The following KMO variants were observed in gnomAD, a reference collection of about 807,000 sequenced individuals.
The protein encoded by KMO is kynurenine 3-monooxygenase.
Under a neutral mutation model 57.8 loss-of-function variants are expected in KMO, and 24 were observed. The ratio of observed to expected loss-of-function variants is 0.42; its 90% CI spans 0.30 to 0.58. KMO has a LOEUF of 0.58. Ranked by LOEUF, KMO falls within the 20% of genes least tolerant of loss-of-function variation. KMO has a pLI of 0.22. For synonymous variants in KMO, 210 were observed against 193.6 expected, an observed-to-expected ratio of 1.08 and a Z score of -0.70; for missense variants, 483 against 588.2, an observed-to-expected ratio of 0.82 and a Z score of 1.85.
At chr1:241,574,759 A>G (rs151269074) in intron 10 of KMO, among the ~76,000 whole-genome samples, 1 of 151,970 alleles carries the variant, frequency 6.6e-6, no homozygotes, top group Non-Finnish European at 1.5e-5. Flanking sequence ...TTGTTTTGGT[A>G]TCAGGATGAT....
chr1:241,540,695 G>A (rs112571979), intron 1 of KMO, among the ~76,000 whole-genome samples: 91 of 152,160 alleles, frequency 6.0e-4, no homozygotes, highest in Middle Eastern at 6.8e-3. Flanking sequence ...TTGAAAATTT[G>A]GAATTTTTTC....
At chr1:241,535,730 G>T (rs1191430044) in intron 1 of KMO, among the ~76,000 whole-genome samples, 1 of 152,146 alleles carries the variant, frequency 6.6e-6, no homozygotes, top group Non-Finnish European at 1.5e-5. Flanking sequence ...CCCCTGTATT[G>T]ACTGATATTT....
intron 6 of KMO, among the ~76,000 whole-genome samples, chr1:241,561,794 G>A (rs1224043777): frequency 6.6e-6 from 1 of 151,844 alleles, no homozygotes; most frequent in Non-Finnish European, 1.5e-5. Context: ...TCTAATACCT[G>A]TGCTCAAGAC....
chr1:241,540,046 C>T (rs1391340057), intron 1 of KMO, among the ~76,000 whole-genome samples: 1 of 152,142 alleles, frequency 6.6e-6, no homozygotes, highest in Non-Finnish European at 1.5e-5. Flanking sequence ...TTAGAGTACA[C>T]TTTTCATTTT....
chr1:241,569,388 T>G (rs1022201554), intron 10 of KMO, among the ~76,000 whole-genome samples: 2 of 152,098 alleles, frequency 1.3e-5, no homozygotes, highest in South Asian at 4.1e-4. Flanking sequence ...TATAGCTCCC[T>G]CATATGAGTA....
At chr1:241,569,979 T>C (rs1462554870) in intron 10 of KMO, among the ~76,000 whole-genome samples, 1 of 151,894 alleles carries the variant, frequency 6.6e-6, no homozygotes, top group Non-Finnish European at 1.5e-5. Flanking sequence ...CAGATATTAT[T>C]TTTATTATTT....
chr1:241,548,151 C>T (rs566540538), intron 1 of KMO, among the ~76,000 whole-genome samples: 50 of 150,434 alleles, frequency 3.3e-4, no homozygotes, highest in African/African-American at 1.1e-3. Flanking sequence ...GGGTAAATGG[C>T]GGGGCACAGT....
At chr1:241,546,274 G>C (rs909188243) in intron 1 of KMO, among the ~76,000 whole-genome samples, 2 of 152,120 alleles carry the variant, frequency 1.3e-5, no homozygotes, top group African/African-American at 4.8e-5. Flanking sequence ...TGTACTTCTA[G>C]TTTCATGAGT....
rs1011144039 is a variant in KMO, at chr1:241,585,757, T to TA, written c.958-912dup. Among the ~76,000 whole-genome samples, 55 of 99,708 alleles carry TA rather than the reference T, an allele frequency of 5.5e-4. 1 individual carries two copies. The South Asian group carries it at 9.3e-3, about 17-fold the overall frequency. The allele number at this position is 99,708 out of a possible 152,430, so 65.4% of individuals were successfully genotyped here. A position where few individuals can be genotyped will look rare whatever the true frequency, so the allele number is the denominator to read the frequency against. ...CAACAGAGCAAGACTCCATCTAAAA[T>TA]AAAAAAAAAAGAACAAAAAAAAAAA... On this transcript the variant is annotated intron_variant, in intron 10 of 14. Transcript: ENST00000366559.
At position 241,536,865 on chromosome 1, in the gene KMO, C is replaced by T. The variant is rs574618826; in HGVS notation, c.54+4367C>T. Reference sequence around the variant, plus strand: ...ATTCAAGTCAAGTCAGTGGCCTCTGCTGATGAAATTGCTTTTGAGGCAACT... The same window carrying T: ...ATTCAAGTCAAGTCAGTGGCCTCTGTTGATGAAATTGCTTTTGAGGCAACT... On this transcript the variant is annotated intron_variant, in intron 1 of 14. Transcript: ENST00000366559. Among the ~76,000 whole-genome samples the T allele has an allele frequency of 6.6e-5, 10 of 152,242 alleles. No individual in the cohort carries two copies. In the South Asian group the frequency reaches 2.1e-3, roughly 32 times the overall value.
In KMO at chr1:241,588,872, T is replaced by C. The variant is rs752499978; in HGVS notation, c.1098+42T>C. On this transcript the variant is annotated intron_variant, in intron 12 of 14. Coordinates refer to ENST00000366559, the MANE Select transcript of KMO (RefSeq NM_003679.5). ...GGCTTTATTCCATGAGATGGTTCAC[T>C]GATATTCTAACAAGTGTTCTTTTCT... 66 of 1,368,376 alleles carry C rather than the reference T, an allele frequency of 4.8e-5. 1 individual carries two copies. The South Asian group carries it at 7.3e-4, about 15-fold the overall frequency. 84.8% of individuals were successfully genotyped at this position (1,368,376 alleles called of 1,614,324 possible).
chr1:241,587,101 G>A lies in KMO; in HGVS notation c.1015+365G>A, dbSNP rs187766884. Among the ~76,000 whole-genome samples the A allele has an allele frequency of 7.1e-4, 108 of 152,258 alleles. 1 individual carries two copies. The South Asian group carries it at 0.02, about 27-fold the overall frequency. On this transcript the variant is annotated intron_variant, in intron 11 of 14. Transcript: ENST00000366559. ...GTCCCAACGTTTTGGCACCAGGGACGGGTTTCACGGAAGACAGTGTTTCCA... is the reference window on the plus strand; with the variant it reads ...GTCCCAACGTTTTGGCACCAGGGACAGGTTTCACGGAAGACAGTGTTTCCA...
In KMO at chr1:241,594,494, C is replaced by G. The variant is rs778423135; in HGVS notation, c.*2341C>G. 14 of 1,614,088 alleles carry G rather than the reference C, an allele frequency of 8.7e-6. No homozygotes were observed. The highest frequency in any genetic ancestry group is 6.6e-5 in the South Asian group (6 of 91,078). On this transcript the variant is annotated 3_prime_UTR_variant, in exon 15 of 15. Coordinates refer to ENST00000366559, the MANE Select transcript of KMO (RefSeq NM_003679.5). ...TGGTTTTGTCGCTGTCGTCAACTGA[C>G]AGTGATTCATCACTGGTGATGATAA...
Position 241,593,407 on chromosome 1 carries a change from A to G in KMO, c.*1254A>G. ...AATCCTTCAAACATGATTAATTATG[A>G]AGATGAAACACTAGAGTCATATAAG... On this transcript the variant is annotated 3_prime_UTR_variant, in exon 15 of 15. Transcript: ENST00000366559. 2.3e-6 allele frequency: 1 copy of G among 428,566 alleles called. No individual in the cohort carries two copies. The highest frequency in any genetic ancestry group is 1.7e-5 in the South Asian group (1 of 59,416). The allele number at this position is 428,566 out of a possible 1,614,324, so 26.5% of individuals were successfully genotyped here.
chr1:241,549,793 T>TG lies in KMO; in HGVS notation c.222+19_222+20insG. ...AGATCAGGTACTTAATGTATCTTTC[T>TG]TACAGAAGATAATACCTGGTATTTT... On this transcript the variant is annotated intron_variant, in intron 3 of 14. Coordinates refer to ENST00000366559, the MANE Select transcript of KMO (RefSeq NM_003679.5). The TG allele has an allele frequency of 7.0e-7, 1 of 1,427,982 alleles. No individual in the cohort carries two copies. Among genetic ancestry groups the TG allele is most frequent in the Non-Finnish European group, 9.9e-7 (1 of 1,014,880 alleles). 88.5% of individuals were successfully genotyped at this position (1,427,982 alleles called of 1,614,324 possible).
chr1:241,542,342 C>G (rs1160122565), intron 1 of KMO, among the ~76,000 whole-genome samples: 1 of 152,130 alleles, frequency 6.6e-6, no homozygotes, highest in East Asian at 1.9e-4. Context: ...CATCCCTATA[C>G]AGCACATGAC....
intron 7 of KMO, among the ~76,000 whole-genome samples, chr1:241,562,913 A>C (rs1661922260): frequency 5.4e-4 from 18 of 33,154 alleles, no homozygotes; most frequent in South Asian, 2.8e-3. Flanking sequence ...GAAGGAAGGA[A>C]GGAAAGAAGG....
At chr1:241,551,925 G>A (rs984604965) in intron 4 of KMO, among the ~76,000 whole-genome samples, 3 of 152,094 alleles carry the variant, frequency 2.0e-5, no homozygotes, top group Non-Finnish European at 2.9e-5. Flanking sequence ...ACGAGCTTCC[G>A]GGTGTTTACT....
rs1662020974 is a variant in KMO at position 241,564,980 on chromosome 1, T to TC, written c.616-6dup. On this transcript the variant is annotated splice_region_variant and splice_polypyrimidine_tract_variant and intron_variant, in intron 7 of 14. Transcript: ENST00000366559. ...CACTAATCAATCATATATTCTTTTT[T>TC]CTGCAGTATGCCATGGAACCTAATT... is the stretch of plus-strand genomic sequence containing the variant. The TC allele has an allele frequency of 6.3e-7, 1 of 1,583,730 alleles. No individual in the cohort carries two copies. Among genetic ancestry groups the TC allele is most frequent in the East Asian group, 2.2e-5 (1 of 44,574 alleles).
Sources: allele counts gnomAD v4.1 joint callset (sites outside exome capture counted in the v4.1 genomes callset), GRCh38; gene constraint gnomAD v4.1.1; transcripts MANE v1.5; gene names NCBI Gene and HGNC (gene_info 2026-07-23, HGNC 2026-07-21).